The following HEPACAM variants were observed in gnomAD, a reference collection of about 807,000 sequenced individuals.
HEPACAM encodes hepatocyte cell adhesion molecule.
In HEPACAM, 18 loss-of-function variants were observed where a neutral mutation model predicts 38.3. The ratio of observed to expected loss-of-function variants is 0.47; its 90% CI spans 0.33 to 0.70. HEPACAM has a LOEUF of 0.70. Ranked by LOEUF, HEPACAM falls within the 30% of genes least tolerant of loss-of-function variation. HEPACAM has a pLI of 0.03. For missense variants in HEPACAM, 466 were observed against 563.0 expected (o/e 0.83, Z 1.74); for synonymous variants, 216 against 243.1 (o/e 0.89, Z 1.04).
chr11:124,919,409 C>G lies in HEPACAM; in HGVS notation c.*1729G>C. On this transcript the variant is annotated 3_prime_UTR_variant, in exon 7 of 7. Transcript: ENST00000298251. ...GCAGATTTGGCTTAAGCCTGGCAAGCTGGCCCCTCAGGGATTCAGCACCAG... is the reference window on the plus strand; with the variant it reads ...GCAGATTTGGCTTAAGCCTGGCAAGGTGGCCCCTCAGGGATTCAGCACCAG... 3.6e-6 allele frequency: 1 copy of G among 276,302 alleles called. No homozygotes were observed. Among genetic ancestry groups the G allele is most frequent in the Admixed American group, 4.9e-5 (1 of 20,568 alleles). 17.1% of individuals were successfully genotyped at this position (276,302 alleles called of 1,614,324 possible). A position where few individuals can be genotyped will look rare whatever the true frequency, so the allele number is the denominator to read the frequency against.
In HEPACAM at chr11:124,920,095, G is replaced by T. The variant is rs1947105986; in HGVS notation, c.*1043C>A. 3 of 1,489,750 alleles carry T rather than the reference G, an allele frequency of 2.0e-6. No homozygotes were observed. In the South Asian group the frequency reaches 3.9e-5, roughly 19 times the overall value. 92.3% of individuals were successfully genotyped at this position (1,489,750 alleles called of 1,614,324 possible). On this transcript the variant is annotated 3_prime_UTR_variant, in exon 7 of 7. Transcript: ENST00000298251. ...GGCAGATGGGTGGCAGGAGGCCAGGGGTTGGATCATGTTCCCCCCAAATGC... is the reference window on the plus strand; with the variant it reads ...GGCAGATGGGTGGCAGGAGGCCAGGTGTTGGATCATGTTCCCCCCAAATGC...
rs550444976 is a variant in HEPACAM, at chr11:124,929,248, C to T, written c.86-4179G>A. ...AAAATATTGGAGAAGTTATGGCCTA[C>T]AGATTGCCTGAGGCCTTACCCTCCT... On this transcript the variant is annotated intron_variant, in intron 1 of 6. Coordinates refer to ENST00000298251, the MANE Select transcript of HEPACAM (RefSeq NM_152722.5). 2.2e-4 allele frequency among the ~76,000 whole-genome samples: 33 copies of T among 152,314 alleles called. 1 individual carries two copies. Among genetic ancestry groups the T allele is most frequent in the Admixed American group, 2.1e-3 (32 of 15,296 alleles).
chr11:124,930,678 C>T (rs1268606093), intron 1 of HEPACAM, among the ~76,000 whole-genome samples: 3 of 152,090 alleles, frequency 2.0e-5, no homozygotes, highest in African/African-American at 7.2e-5. Flanking sequence ...TGAAGATAGA[C>T]AAATAGATCA....
In HEPACAM at chr11:124,923,812, A is replaced by G; in HGVS notation, c.626T>C (p.Met209Thr). ...GCAGCTGTACAGGTCGTCATCCTCCATGAGCACGCGGGTGATGGTGAGCAC... is the reference window on the plus strand; with the variant it reads ...GCAGCTGTACAGGTCGTCATCCTCCGTGAGCACGCGGGTGATGGTGAGCAC... Reference protein sequence around the residue: ...QKVLTITRVLMEDDDLYSCMV... With the variant: ...QKVLTITRVLTEDDDLYSCMV... The change falls in exon 3 of 7, where the codon ATG (methionine) becomes ACG (threonine). Residue 209 changes from methionine (M) to threonine (T), a missense_variant. By Grantham distance (81) the Met-to-Thr change is moderately conservative. Coordinates refer to ENST00000298251, the MANE Select transcript of HEPACAM (RefSeq NM_152722.5). 6.2e-7 allele frequency: 1 copy of G among 1,614,210 alleles called. No individual in the cohort carries two copies. The highest frequency in any genetic ancestry group is 8.5e-7 in the Non-Finnish European group (1 of 1,180,042).
At chr11:124,935,335 G>T (rs1947329667) in intron 1 of HEPACAM, among the ~76,000 whole-genome samples, 2 of 152,140 alleles carry the variant, frequency 1.3e-5, no homozygotes, top group Non-Finnish European at 2.9e-5. Flanking sequence ...GTGTATATGT[G>T]TATGTACTCA....
At chr11:124,925,864 A>G (rs1298740789) in intron 1 of HEPACAM, among the ~76,000 whole-genome samples, 2 of 152,214 alleles carry the variant, frequency 1.3e-5, no homozygotes, top group African/African-American at 2.4e-5. Flanking sequence ...CTTACTGGCT[A>G]TGTGGATTTG....
At chr11:124,933,467 G>A (rs972738734) in intron 1 of HEPACAM, among the ~76,000 whole-genome samples, 9 of 152,048 alleles carry the variant, frequency 5.9e-5, no homozygotes, top group Non-Finnish European at 1.2e-4. Context: ...CACCGCTCCC[G>A]GCCACATTTA....
intron 1 of HEPACAM, among the ~76,000 whole-genome samples, chr11:124,925,875 G>A (rs1016010006): frequency 6.6e-6 from 1 of 152,116 alleles, no homozygotes; most frequent in African/African-American, 2.4e-5. Flanking sequence ...TGTGGATTTG[G>A]GTACTCATTC....
chr11:124,931,168 A>G (rs1947277122), intron 1 of HEPACAM, among the ~76,000 whole-genome samples: 1 of 152,210 alleles, frequency 6.6e-6, no homozygotes, highest in Admixed American at 6.5e-5. Flanking sequence ...AAACAACACA[A>G]TAGGAAAATG....
At chr11:124,929,356 T>G (rs1262098085) in intron 1 of HEPACAM, among the ~76,000 whole-genome samples, 2 of 152,144 alleles carry the variant, frequency 1.3e-5, no homozygotes, top group Non-Finnish European at 2.9e-5. Flanking sequence ...CATAAGTGAA[T>G]GAAGGAGTCT....
Position 124,924,502 on chromosome 11 carries a change from T to G in HEPACAM, c.427+226A>C, listed in dbSNP as rs77146224. On this transcript the variant is annotated intron_variant, in intron 2 of 6. Transcript: ENST00000298251. This position sits in a 1 kb window ranked among gnomAD's most constrained non-coding sequence, Gnocchi z 4.4. ...TCACCAGACTATTATAAGCATTAAA[T>G]GAGTCAACATATGCAAAGCACTTAG... is the stretch of plus-strand genomic sequence containing the variant. The G allele has an allele frequency of 2.3e-3, 1,408 of 606,064 alleles. 13 individuals are homozygous for G. In the African/African-American group the frequency reaches 0.023, roughly 10 times the overall value. The allele number at this position is 606,064 out of a possible 1,614,324, so 37.5% of individuals were successfully genotyped here. A position where few individuals can be genotyped will look rare whatever the true frequency, so the allele number is the denominator to read the frequency against.
chr11:124,928,945 A>G (rs1194545613), intron 1 of HEPACAM, among the ~76,000 whole-genome samples: 2 of 152,234 alleles, frequency 1.3e-5, no homozygotes, highest in African/African-American at 4.8e-5. Context: ...AACTTTGTAA[A>G]TTAACTGACA....
At chr11:124,923,703 A>C (rs375595018) in intron 3 of HEPACAM, 26 bp downstream of exon 3, 1 of 1,613,508 alleles carries the variant, frequency 6.2e-7, no homozygotes, top group East Asian at 2.2e-5. Flanking sequence ...TTTGAGTACT[A>C]AAGGAAAGCC....
At chr11:124,927,481 C>G (rs988038017) in intron 1 of HEPACAM, among the ~76,000 whole-genome samples, 1 of 150,324 alleles carries the variant, frequency 6.7e-6, no homozygotes. Context: ...TAGCTGGGAC[C>G]ACAGGCATGT....
intron 1 of HEPACAM, among the ~76,000 whole-genome samples, chr11:124,925,537 G>A (rs1388419978): frequency 6.6e-6 from 1 of 152,176 alleles, no homozygotes; most frequent in Non-Finnish European, 1.5e-5. Flanking sequence ...GGGATTGGGA[G>A]GGTGAGGAGA....
chr11:124,927,514 T>TTG (rs1327246353), intron 1 of HEPACAM, among the ~76,000 whole-genome samples: 2 of 124,458 alleles, frequency 1.6e-5, no homozygotes, highest in South Asian at 5.9e-4. Flanking sequence ...AGCTAGGTTT[T>TTG]TTTTTTTTGT....
Position 124,920,678 on chromosome 11 carries a change from C to CAAAAAAAAAAAA in HEPACAM, c.*448_*459dup, listed in dbSNP as rs71042463. ...AAGTGGCCTCTCTAATCTGAACTTG[C>CAAAAAAAAAAAA]AAAAAAAAAAAAAAAAAAAAAAAAA... On this transcript the variant is annotated 3_prime_UTR_variant, in exon 7 of 7. Coordinates refer to ENST00000298251, the MANE Select transcript of HEPACAM (RefSeq NM_152722.5). 6.4e-5 allele frequency: 37 copies of CAAAAAAAAAAAA among 575,180 alleles called. No individual in the cohort carries two copies. Among genetic ancestry groups the CAAAAAAAAAAAA allele is most frequent in the Admixed American group, 3.7e-4 (1 of 2,730 alleles). The allele number at this position is 575,180 out of a possible 1,614,324, so 35.6% of individuals were successfully genotyped here.
At chr11:124,931,943 A>C (rs1035210898) in intron 1 of HEPACAM, among the ~76,000 whole-genome samples, 9 of 152,258 alleles carry the variant, frequency 5.9e-5, no homozygotes, top group Non-Finnish European at 1.0e-4. Context: ...ACGACAACTT[A>C]GATGAATCCT....
At chr11:124,931,586 T>C (rs77689816) in intron 1 of HEPACAM, among the ~76,000 whole-genome samples, 1,909 of 152,334 alleles carry the variant, frequency 0.013, 42 homozygotes, top group African/African-American at 0.044. Flanking sequence ...TGGGAAGATA[T>C]GGATCATCTG....
Sources: allele counts gnomAD v4.1 joint callset (sites outside exome capture counted in the v4.1 genomes callset), GRCh38; gene constraint gnomAD v4.1.1; non-coding constraint Gnocchi (gnomAD v3.1); transcripts MANE v1.5; gene names NCBI Gene and HGNC (gene_info 2026-07-23, HGNC 2026-07-21).